NCOR2: variants seen among roughly 807,000 people sequenced by gnomAD.
NCOR2 encodes the protein nuclear receptor corepressor 2.
In NCOR2, 81 loss-of-function variants were observed where a neutral mutation model predicts 262.9. That is an observed-to-expected ratio of 0.31 (90% CI 0.26 to 0.37). The LOEUF (loss-of-function observed/expected upper bound fraction) is 0.37, where lower values mean the gene tolerates loss of function less well. Among genes scored for constraint, NCOR2 ranks in the 10% least tolerant of loss-of-function variants. The pLI is 1.00. For missense variants in NCOR2, 3,385 were observed against 3,621.4 expected (o/e 0.93, Z 1.68); for synonymous variants, 1,659 against 1,559.3 (o/e 1.06, Z -1.51).
At chr12:124,400,511 G>T (rs1421835216) in exon 15 of NCOR2, 1 of 1,613,204 alleles carries the variant, frequency 6.2e-7, no homozygotes, top group African/African-American at 1.3e-5. Flanking sequence ...CCAGCTCGGC[G>T]CTCTGCTGGG....
chr12:124,401,603 T>C (rs1366317146), intron 14 of NCOR2, among the ~76,000 whole-genome samples: 1 of 152,254 alleles, frequency 6.6e-6, no homozygotes, highest in Non-Finnish European at 1.5e-5. Flanking sequence ...TTGCTGGTTT[T>C]ATGCAGGCCT....
exon 47 of NCOR2, chr12:124,325,557 G>T: frequency 7.6e-7 from 1 of 1,318,490 alleles, no homozygotes; most frequent in East Asian, 2.9e-5. Flanking sequence ...CGCATGATCA[G>T]GGGGTTGTAG....
rs551821382 is a variant in NCOR2, at chr12:124,523,658, C to A, written c.-118+11907G>T. Reference sequence around the variant, plus strand: ...AACTAAAAAAAAAAAAAACAAAAAACCGAAAAACAATCTGTTTTAAGAAAG... The same window carrying A: ...AACTAAAAAAAAAAAAAACAAAAAAACGAAAAACAATCTGTTTTAAGAAAG... On this transcript the variant is annotated intron_variant, in intron 1 of 46. Coordinates refer to the NCOR2 transcript ENST00000404621. This position sits in a 1 kb window ranked among gnomAD's most constrained non-coding sequence, Gnocchi z 4.0. Among the ~76,000 whole-genome samples the A allele has an allele frequency of 2.2e-4, 33 of 147,140 alleles. 1 individual carries two copies. The highest frequency in any genetic ancestry group is 3.5e-4 in the African/African-American group (14 of 39,884).
chr12:124,492,766 A>G (rs1009687889), intron 1 of NCOR2, among the ~76,000 whole-genome samples: 7 of 152,244 alleles, frequency 4.6e-5, no homozygotes, highest in African/African-American at 1.7e-4. Context: ...CCTCCAGATC[A>G]CAGCCCCCAG....
rs908656391 is a variant in NCOR2, at chr12:124,439,630, G to A, written c.816-1634C>T. On this transcript the variant is annotated intron_variant, in intron 7 of 46. Transcript: ENST00000405201. Reference sequence around the variant, plus strand: ...CTGGGAGAAGGGGAGACACAGAGACGGAGATAGATAGACAGATGAGATCCA... The same window carrying A: ...CTGGGAGAAGGGGAGACACAGAGACAGAGATAGATAGACAGATGAGATCCA... 3.3e-5 allele frequency among the ~76,000 whole-genome samples: 5 copies of A among 152,122 alleles called. No individual in the cohort carries two copies. The South Asian group carries it at 1.0e-3, about 32-fold the overall frequency.
intron 1 of NCOR2, among the ~76,000 whole-genome samples, chr12:124,518,764 G>A (rs1021358683): frequency 6.6e-6 from 1 of 152,216 alleles, no homozygotes; most frequent in Non-Finnish European, 1.5e-5. Flanking sequence ...TCGCTGGCAG[G>A]CGAAAGAGAG....
intron 15 of NCOR2, among the ~76,000 whole-genome samples, chr12:124,398,664 T>C (rs1170436112): frequency 6.6e-6 from 1 of 152,176 alleles, no homozygotes; most frequent in African/African-American, 2.4e-5. Flanking sequence ...TGTGGGGCTG[T>C]CCCATCACGG....
intron 1 of NCOR2, among the ~76,000 whole-genome samples, chr12:124,520,775 C>G (rs1019167949): frequency 6.6e-6 from 1 of 152,246 alleles, no homozygotes; most frequent in Non-Finnish European, 1.5e-5. Flanking sequence ...CGCAAGCCTT[C>G]GACGGCGACC....
rs376687613 is a variant in NCOR2 at position 124,349,409 on chromosome 12, G to T, written c.3845-1095C>A. ...GCCCACGGCCCGTGAGCTACTCCAG[G>T]GGTTGCCAACAGGAGGGTACTAGGT... On this transcript the variant is annotated intron_variant, in intron 28 of 46. Transcript: ENST00000405201. 3.3e-5 allele frequency among the ~76,000 whole-genome samples: 5 copies of T among 152,286 alleles called. No individual in the cohort carries two copies. In the East Asian group the frequency reaches 5.8e-4, roughly 18 times the overall value.
intron 13 of NCOR2, among the ~76,000 whole-genome samples, chr12:124,405,990 G>C (rs34135175): frequency 0.061 from 9,351 of 152,226 alleles, 380 homozygotes; most frequent in South Asian, 0.16. Flanking sequence ...TGCCCAGGCC[G>C]CACCCCACAC....
rs559030578 is a variant in NCOR2, at chr12:124,506,317, G to A, written c.-117-10949C>T. 1.8e-4 allele frequency among the ~76,000 whole-genome samples: 27 copies of A among 152,168 alleles called. No individual in the cohort carries two copies. In the Middle Eastern group the frequency reaches 0.017, roughly 96 times the overall value. ...CACGGCCCTGCCAGCCCAGGCGCCC[G>A]CCCTCAGTGAACAGAAAGGGAAGTG... is the stretch of plus-strand genomic sequence containing the variant. On this transcript the variant is annotated intron_variant, in intron 1 of 46. Transcript: ENST00000404621.
chr12:124,351,404 T>C (rs61934026), intron 27 of NCOR2, among the ~76,000 whole-genome samples: 53,307 of 151,862 alleles, frequency 0.35, 9,943 homozygotes, highest in East Asian at 0.58. Flanking sequence ...CTGTGCACTG[T>C]GGGCTGTTAA....
rs1022557527 is a variant in NCOR2, at chr12:124,482,353, A to C, written c.411+1243T>G. Reference sequence around the variant, plus strand: ...GGGGAAGCCCAGCCATCCCAGCCCCAGGACGGCACCCCCACCTCCTGCCAG... The same window carrying C: ...GGGGAAGCCCAGCCATCCCAGCCCCCGGACGGCACCCCCACCTCCTGCCAG... On this transcript the variant is annotated intron_variant, in intron 3 of 46. Coordinates refer to ENST00000405201, the Ensembl canonical transcript of NCOR2. The surrounding 1 kb of genome is among the most constrained non-coding windows in gnomAD (Gnocchi z 6.3). 3.3e-5 allele frequency among the ~76,000 whole-genome samples: 5 copies of C among 151,726 alleles called. No individual in the cohort carries two copies. Among genetic ancestry groups the C allele is most frequent in the Admixed American group, 1.3e-4 (2 of 15,252 alleles).
At chr12:124,506,362 A>G (rs576309388) in intron 1 of NCOR2, among the ~76,000 whole-genome samples, 1 of 151,844 alleles carries the variant, frequency 6.6e-6, no homozygotes, top group East Asian at 1.9e-4. Context: ...GGAGCCTCCG[A>G]GGAGGCCCGT....
In NCOR2 at chr12:124,340,165, CCCCCA is replaced by C; in HGVS notation, c.5523_5527del (p.Gly1842GlnfsTer183). The C allele has an allele frequency of 6.5e-7, 1 of 1,543,604 alleles. No homozygotes were observed. Among genetic ancestry groups the C allele is most frequent in the Non-Finnish European group, 8.7e-7 (1 of 1,152,946 alleles). ...GTGGGAGGCGGGGCGGCTGCTGCTG[CCCCCA>C]CCCCCGCCGCTGCTGCCGCTGCTCT... is the stretch of plus-strand genomic sequence containing the variant. On this transcript the variant is annotated frameshift_variant, in exon 37 of 47. Transcript: ENST00000405201. LOFTEE classifies it high-confidence loss of function.
chr12:124,379,648 G>A (rs1029151704), intron 17 of NCOR2, among the ~76,000 whole-genome samples: 5 of 152,190 alleles, frequency 3.3e-5, no homozygotes, highest in Admixed American at 6.5e-5. Flanking sequence ...GGAGGTGCCC[G>A]CAGCTCTCAG....
At chr12:124,372,721 C>T in intron 19 of NCOR2, 111 bp from the exon 22 acceptor site, 2 of 983,594 alleles carry the variant, frequency 2.0e-6, no homozygotes, top group East Asian at 2.6e-5. Context: ...GATGCCAAAA[C>T]AGCCCCGAGG....
intron 43 of NCOR2, 200 bp downstream of exon 45, chr12:124,332,119 T>A (rs940497803): frequency 1.6e-6 from 1 of 621,412 alleles, no homozygotes; most frequent in African/African-American, 1.8e-5. Flanking sequence ...TAAGCTCCTA[T>A]GGAAAGCCCA....
At chr12:124,421,510 A>T (rs1181627238) in intron 12 of NCOR2, among the ~76,000 whole-genome samples, 2 of 152,168 alleles carry the variant, frequency 1.3e-5, no homozygotes, top group Non-Finnish European at 2.9e-5. Flanking sequence ...ATTTTTCCCC[A>T]CTCTGCTCGG....
Sources: allele counts gnomAD v4.1 joint callset (sites outside exome capture counted in the v4.1 genomes callset), GRCh38; gene constraint gnomAD v4.1.1; non-coding constraint Gnocchi (gnomAD v3.1); transcripts MANE v1.5; gene names NCBI Gene and HGNC (gene_info 2026-07-23, HGNC 2026-07-21).